EIF4G3: variants seen among roughly 807,000 people sequenced by gnomAD.
EIF4G3 encodes eIF-4-gamma 3.
In EIF4G3, 34 loss-of-function variants were observed where a neutral mutation model predicts 186.4. The observed-to-expected ratio is 0.18, with a 90% confidence interval of 0.14 to 0.24. The LOEUF (loss-of-function observed/expected upper bound fraction) is 0.24, where lower values mean the gene tolerates loss of function less well. Among genes scored for constraint, EIF4G3 ranks in the 10% least tolerant of loss-of-function variants. The pLI, the probability that EIF4G3 is intolerant of heterozygous loss-of-function variation, is 1.00. For missense variants in EIF4G3, 1,536 were observed against 1,948.5 expected (o/e 0.79, Z 3.99); for synonymous variants, 673 against 679.5 (o/e 0.99, Z 0.15).
chr1:21,035,951 G>A (rs1217430973), intron 4 of EIF4G3, among the ~76,000 whole-genome samples: 1 of 152,196 alleles, frequency 6.6e-6, no homozygotes, highest in Non-Finnish European at 1.5e-5. Context: ...CCAGAGCAGG[G>A]CAGAGGAAGG....
At chr1:21,043,458 T>G (rs1218522179) in intron 4 of EIF4G3, among the ~76,000 whole-genome samples, 1 of 152,174 alleles carries the variant, frequency 6.6e-6, no homozygotes, top group East Asian at 1.9e-4. Context: ...TGCAGCAACA[T>G]TTAAAAACTA....
intron 13 of EIF4G3, among the ~76,000 whole-genome samples, chr1:20,948,989 A>G (rs1392399164): frequency 1.3e-5 from 2 of 151,574 alleles, no homozygotes; most frequent in Non-Finnish European, 2.9e-5. Context: ...AAAAAAAAAA[A>G]AAGAATAATT....
At chr1:21,029,191 A>G (rs2092485545) in intron 4 of EIF4G3, among the ~76,000 whole-genome samples, 1 of 151,768 alleles carries the variant, frequency 6.6e-6, no homozygotes, top group African/African-American at 2.4e-5. Flanking sequence ...CTAATGTTTT[A>G]TATTTTTTAG....
intron 10 of EIF4G3, among the ~76,000 whole-genome samples, chr1:20,978,050 ACTGT>A (rs1266482238): frequency 8.5e-5 from 13 of 152,224 alleles, no homozygotes; most frequent in South Asian, 2.1e-4. Context: ...AACGGGAGAC[ACTGT>A]CTATTTCAGC....
intron 33 of EIF4G3, among the ~76,000 whole-genome samples, chr1:20,817,956 GACTC>G (rs1038985574): frequency 1.3e-5 from 2 of 152,088 alleles, no homozygotes; most frequent in African/African-American, 4.8e-5. Flanking sequence ...TTACAGGCAT[GACTC>G]ACCACGCCCA....
chr1:21,155,262 C>CAAA lies in EIF4G3; in HGVS notation c.-272+20910_-272+20912dup, dbSNP rs34182850. Reference sequence around the variant, plus strand: ...TGGGAGACAGTGCGAGACTCTGTCTCAAAAAAAAAAAAAAAAAAAAAAAAG... The same window carrying CAAA: ...TGGGAGACAGTGCGAGACTCTGTCTCAAAAAAAAAAAAAAAAAAAAAAAAAAAG... On this transcript the variant is annotated intron_variant, in intron 2 of 36. Transcript: ENST00000602326. Among the ~76,000 whole-genome samples the CAAA allele has an allele frequency of 4.7e-3, 202 of 43,142 alleles. 8 individuals carry two copies. The highest frequency in any genetic ancestry group is 0.023 in the East Asian group (29 of 1,272). The allele number at this position is 43,142 out of a possible 152,430, so 28.3% of individuals were successfully genotyped here. A position where few individuals can be genotyped will look rare whatever the true frequency, so the allele number is the denominator to read the frequency against.
intron 33 of EIF4G3, among the ~76,000 whole-genome samples, chr1:20,820,817 G>C (rs188109101): frequency 6.6e-6 from 1 of 152,114 alleles, no homozygotes; most frequent in Admixed American, 6.5e-5. Context: ...TGCCAGGAGA[G>C]AGGAGGTACC....
intron 3 of EIF4G3, among the ~76,000 whole-genome samples, chr1:21,072,465 G>A (rs1261612568): frequency 6.6e-6 from 1 of 152,122 alleles, no homozygotes; most frequent in East Asian, 1.9e-4. Context: ...GTGCAGTGGT[G>A]CTATCTCGGC....
chr1:20,879,056 T>C (rs542296416), intron 20 of EIF4G3, among the ~76,000 whole-genome samples: 6 of 152,308 alleles, frequency 3.9e-5, no homozygotes, highest in South Asian at 2.1e-4. Context: ...AATTTTACAT[T>C]ACTAATTTAA....
chr1:20,971,937 C>G, intron 11 of EIF4G3, among the ~76,000 whole-genome samples: 1 of 152,144 alleles, frequency 6.6e-6, no homozygotes, highest in East Asian at 1.9e-4. Context: ...CCGGCCTGAA[C>G]CTCATTAATT....
At chr1:21,120,117 A>G (rs2096900696) in intron 2 of EIF4G3, among the ~76,000 whole-genome samples, 1 of 150,650 alleles carries the variant, frequency 6.6e-6, no homozygotes, top group African/African-American at 2.4e-5. Flanking sequence ...CGTTTCTAGC[A>G]TTTATTTTCG....
chr1:21,054,838 C>G (rs984239953), intron 3 of EIF4G3, among the ~76,000 whole-genome samples: 15 of 152,070 alleles, frequency 9.9e-5, no homozygotes, highest in African/African-American at 3.6e-4. Context: ...AATGGACTCA[C>G]ACAGAACTAA....
At chr1:21,014,669 C>T (rs2088333304) in intron 4 of EIF4G3, among the ~76,000 whole-genome samples, 1 of 135,012 alleles carries the variant, frequency 7.4e-6, no homozygotes, top group Non-Finnish European at 1.5e-5. Context: ...GAGTCCTATG[C>T]TGTCACCCTG....
intron 4 of EIF4G3, among the ~76,000 whole-genome samples, chr1:21,046,629 G>T (rs746074337): frequency 3.9e-5 from 6 of 152,198 alleles, no homozygotes; most frequent in Non-Finnish European, 8.8e-5. Flanking sequence ...AAGAAGGGGA[G>T]ACTGTCACAT....
intron 14 of EIF4G3, among the ~76,000 whole-genome samples, chr1:20,905,189 T>C (rs2091706459): frequency 1.3e-5 from 2 of 152,236 alleles, no homozygotes; most frequent in South Asian, 4.1e-4. Context: ...ACCAGTGGCC[T>C]GCGTTCTTCC....
chr1:20,865,838 A>T (rs2077442535), intron 20 of EIF4G3, among the ~76,000 whole-genome samples: 1 of 152,212 alleles, frequency 6.6e-6, no homozygotes, highest in Non-Finnish European at 1.5e-5. Context: ...CTTATGTGCC[A>T]TGAGAATATA....
intron 2 of EIF4G3, among the ~76,000 whole-genome samples, chr1:21,134,717 C>T (rs1005162936): frequency 1.3e-5 from 2 of 151,946 alleles, no homozygotes; most frequent in Non-Finnish European, 2.9e-5. Context: ...CTAATGAATC[C>T]CAAATTCAGG....
intron 4 of EIF4G3, among the ~76,000 whole-genome samples, chr1:21,035,091 T>C (rs997698053): frequency 1.3e-5 from 2 of 152,022 alleles, no homozygotes; most frequent in Non-Finnish European, 2.9e-5. Flanking sequence ...CCTGTGCCCA[T>C]GTCCCCAAGG....
At chr1:20,850,804 C>T (rs987802023) in intron 28 of EIF4G3, among the ~76,000 whole-genome samples, 6 of 152,194 alleles carry the variant, frequency 3.9e-5, no homozygotes, top group Non-Finnish European at 7.3e-5. Flanking sequence ...TAAGTATATA[C>T]ATGCTAAATG....
Sources: gnomAD v4.1 joint callset for allele counts (sites outside exome capture counted in the v4.1 genomes callset) on GRCh38, gnomAD v4.1.1 for gene constraint, MANE v1.5 for transcripts, NCBI Gene and HGNC (gene_info 2026-07-23, HGNC 2026-07-21) for gene names.